The following ZFHX3 variants were observed in gnomAD, a reference collection of about 807,000 sequenced individuals.
ZFHX3 encodes the protein zinc finger homeobox protein 3.
Under a neutral mutation model 279.1 loss-of-function variants are expected in ZFHX3, and 42 were observed. That is an observed-to-expected ratio of 0.15 (90% CI 0.12 to 0.19). ZFHX3 has a LOEUF of 0.19. Among genes scored for constraint, ZFHX3 ranks in the 10% least tolerant of loss-of-function variants. ZFHX3 has a pLI of 1.00. For missense variants in ZFHX3, 4,981 were observed against 4,754.0 expected, an observed-to-expected ratio of 1.05 and a Z score of -1.40; for synonymous variants, 2,293 against 1,957.8, an observed-to-expected ratio of 1.17 and a Z score of -4.52.
intron 2 of ZFHX3, among the ~76,000 whole-genome samples, chr16:73,617,937 GC>G (rs1237800758): frequency 6.6e-6 from 1 of 152,080 alleles, no homozygotes; most frequent in Non-Finnish European, 1.5e-5. Flanking sequence ...GACTCCCAAG[GC>G]AGTGCTACCC....
chr16:73,725,353 T>G (rs2053509109), intron 1 of ZFHX3, among the ~76,000 whole-genome samples: 1 of 152,092 alleles, frequency 6.6e-6, no homozygotes, highest in African/African-American at 2.4e-5. Context: ...GAGGGAGACA[T>G]GTGTCGGGGC....
chr16:73,412,065 G>T (rs1200934739), intron 3 of ZFHX3, among the ~76,000 whole-genome samples: 1 of 152,172 alleles, frequency 6.6e-6, no homozygotes, highest in Non-Finnish European at 1.5e-5. Context: ...TGTGGCTTAT[G>T]TCTGTAATCC....
intron 1 of ZFHX3, among the ~76,000 whole-genome samples, chr16:73,856,171 G>C (rs62041461): frequency 0.32 from 48,199 of 151,946 alleles, 9,472 homozygotes; most frequent in Non-Finnish European, 0.44. Flanking sequence ...GGGAAGGAGA[G>C]GGAAGGTTAC....
intron 1 of ZFHX3, chr16:73,006,248 T>C (rs1963697656): frequency 6.6e-6 from 1 of 152,196 alleles, no homozygotes; most frequent in African/African-American, 2.4e-5. Flanking sequence ...TGGCTGCCTG[T>C]TTCTTCATTG....
chr16:72,916,924 A>G (rs542747382), intron 3 of ZFHX3, among the ~76,000 whole-genome samples: 10 of 152,272 alleles, frequency 6.6e-5, no homozygotes, highest in African/African-American at 2.2e-4. Context: ...TTGGCAGGGG[A>G]AAGACAGTTC....
At chr16:73,007,620 G>C (rs59275616) in intron 1 of ZFHX3, among the ~76,000 whole-genome samples, 26,184 of 151,882 alleles carry the variant, frequency 0.17, 2,527 homozygotes, top group East Asian at 0.38. Flanking sequence ...CTGATTTTTT[G>C]TATCTTTAGT....
At chr16:73,876,729 G>A (rs2029959822) in intron 1 of ZFHX3, among the ~76,000 whole-genome samples, 1 of 152,122 alleles carries the variant, frequency 6.6e-6, no homozygotes, top group African/African-American at 2.4e-5. Flanking sequence ...ATGCTGGAAA[G>A]AACTAGAAAA....
Position 73,819,196 on chromosome 16 carries a change from G to A in ZFHX3, c.-1608+72455C>T, listed in dbSNP as rs367876611. 1.2e-4 allele frequency among the ~76,000 whole-genome samples: 18 copies of A among 151,928 alleles called. No homozygotes were observed. In the South Asian group the frequency reaches 3.1e-3, roughly 26 times the overall value. On this transcript the variant is annotated intron_variant, in intron 1 of 17. Transcript: ENST00000641206. ...TGGGAAAGTATCTCCCAATGGCAAC[G>A]ATAGCTGAGGCCAGAACCAAGATTT... is the stretch of plus-strand genomic sequence containing the variant.
chr16:73,366,214 A>G (rs946258816), intron 3 of ZFHX3, among the ~76,000 whole-genome samples: 2 of 152,224 alleles, frequency 1.3e-5, no homozygotes, highest in Non-Finnish European at 2.9e-5. Flanking sequence ...TTAAAATAGC[A>G]AAAGAGTGGA....
At chr16:73,422,347 G>T (rs2017733766) in intron 3 of ZFHX3, among the ~76,000 whole-genome samples, 2 of 152,082 alleles carry the variant, frequency 1.3e-5, no homozygotes, top group African/African-American at 2.4e-5. Flanking sequence ...GCAATAAAAT[G>T]TCTGAAACTA....
chr16:73,850,571 G>C (rs1961569124), intron 1 of ZFHX3, among the ~76,000 whole-genome samples: 1 of 152,176 alleles, frequency 6.6e-6, no homozygotes, highest in African/African-American at 2.4e-5. Flanking sequence ...GTTAGAATGT[G>C]CTTTCAGGTG....
intron 2 of ZFHX3, among the ~76,000 whole-genome samples, chr16:73,592,072 A>C (rs2052005558): frequency 1.3e-5 from 2 of 151,924 alleles, no homozygotes; most frequent in Admixed American, 1.3e-4. Flanking sequence ...TCTCTACTAA[A>C]AATACAAAAA....
chr16:72,944,911 T>C (rs1168612452), intron 3 of ZFHX3, among the ~76,000 whole-genome samples: 4 of 152,012 alleles, frequency 2.6e-5, no homozygotes, highest in African/African-American at 2.4e-5. Flanking sequence ...TGGTTAATGG[T>C]TGCAAAACTG....
intron 7 of ZFHX3, among the ~76,000 whole-genome samples, chr16:73,103,054 A>T (rs1320207374): frequency 6.6e-6 from 1 of 152,076 alleles, no homozygotes; most frequent in African/African-American, 2.4e-5. Flanking sequence ...CCTCCTGAGT[A>T]GCTGGGATTA....
At chr16:72,900,063 G>T (rs183147859) in intron 3 of ZFHX3, among the ~76,000 whole-genome samples, 2 of 140,696 alleles carry the variant, frequency 1.4e-5, no homozygotes, top group East Asian at 4.4e-4. Context: ...CTTACAAGAA[G>T]TGCAAAACTT....
intron 1 of ZFHX3, among the ~76,000 whole-genome samples, chr16:72,970,992 G>A (rs959200110): frequency 6.6e-6 from 1 of 152,162 alleles, no homozygotes; most frequent in Non-Finnish European, 1.5e-5. Flanking sequence ...TAAAATCACT[G>A]ACAATTCCAC....
At chr16:73,205,837 T>C (rs1303639351) in intron 5 of ZFHX3, among the ~76,000 whole-genome samples, 1 of 152,226 alleles carries the variant, frequency 6.6e-6, no homozygotes, top group Non-Finnish European at 1.5e-5. Flanking sequence ...ATCCCAAGAA[T>C]GGAAAGCTGG....
intron 1 of ZFHX3, among the ~76,000 whole-genome samples, chr16:73,712,676 A>G (rs1238931748): frequency 6.6e-6 from 1 of 152,106 alleles, no homozygotes; most frequent in African/African-American, 2.4e-5. Context: ...TGTGGAGCAT[A>G]TTCTCTCCAC....
chr16:73,584,134 T>C (rs1213497754), intron 2 of ZFHX3, among the ~76,000 whole-genome samples: 1 of 152,032 alleles, frequency 6.6e-6, no homozygotes, highest in Non-Finnish European at 1.5e-5. Context: ...AAGACAAAAA[T>C]ACAGAAAATG....
Sources: allele counts gnomAD v4.1 joint callset (sites outside exome capture counted in the v4.1 genomes callset), GRCh38; gene constraint gnomAD v4.1.1; transcripts MANE v1.5; gene names NCBI Gene and HGNC (gene_info 2026-07-23, HGNC 2026-07-21).